Variants in SCML4 observed in about 807,000 individuals in gnomAD.
The protein encoded by SCML4 is sex comb on midleg-like protein 4.
A neutral mutation model predicts 41.1 loss-of-function variants in SCML4; 34 were observed. That is an observed-to-expected ratio of 0.83 (90% confidence interval 0.63 to 1.10). SCML4 has a LOEUF of 1.10. Ranked by LOEUF, SCML4 falls within the 50% of genes least tolerant of loss-of-function variation. The pLI is 0.00. For missense variants in SCML4, 522 were observed against 534.1 expected, an observed-to-expected ratio of 0.98 and a Z score of 0.22; for synonymous variants, 214 against 220.9, an observed-to-expected ratio of 0.97 and a Z score of 0.28.
chr6:107,739,715 T>C lies in SCML4; in HGVS notation c.682+5234A>G, dbSNP rs73762059. On this transcript the variant is annotated intron_variant, in intron 5 of 7. Coordinates refer to ENST00000369020, the MANE Select transcript of SCML4 (RefSeq NM_198081.5). ...CTTTCTTGTCACAATGGTGAGAAAATGGATGATAAACTAATTCATCCTCTA... is the reference window on the plus strand; with the variant it reads ...CTTTCTTGTCACAATGGTGAGAAAACGGATGATAAACTAATTCATCCTCTA... Among the ~76,000 whole-genome samples the C allele has an allele frequency of 9.6e-3, 1,459 of 152,270 alleles. 12 individuals carry two copies. The highest frequency in any genetic ancestry group is 0.044 in the East Asian group (228 of 5,176).
the SCML4 span, among the ~76,000 whole-genome samples, chr6:107,836,132 G>A: frequency 2.0e-5 from 3 of 151,926 alleles, no homozygotes; most frequent in Non-Finnish European, 4.4e-5. Context: ...TGTGAAAACT[G>A]TTAATGTTCC....
chr6:107,762,876 C>CTTTTTTTTTTTTTTTTTTTTTTTTTTTT (rs57370632), intron 2 of SCML4, among the ~76,000 whole-genome samples: 7 of 89,656 alleles, frequency 7.8e-5, no homozygotes, highest in African/African-American at 9.3e-5. Context: ...TAAATGCACT[C>CTTTTTTTTTTTTTTTTTTTTTTTTTTTT]TTTTTTTTTT....
upstream of SCML4, among the ~76,000 whole-genome samples, chr6:107,828,008 A>G (rs541946450): frequency 5.9e-5 from 9 of 152,370 alleles, no homozygotes; most frequent in South Asian, 1.4e-3. Context: ...GATAGCTAAC[A>G]TTTACTGAAG....
chr6:107,753,224 A>G (rs776153959), intron 2 of SCML4, among the ~76,000 whole-genome samples: 10 of 152,216 alleles, frequency 6.6e-5, no homozygotes, highest in Non-Finnish European at 1.3e-4. Context: ...CTTGAGCACT[A>G]TTGGTGGAAA....
At chr6:107,708,158 G>A (rs865813655) in intron 6 of SCML4, 147 bp from the exon 7 acceptor site, 8 of 909,434 alleles carry the variant, frequency 8.8e-6, no homozygotes, top group Admixed American at 5.5e-5. Flanking sequence ...CCTGTCATAG[G>A]GAAAGGCTGT....
At chr6:107,761,766 G>C (rs1182381746) in intron 2 of SCML4, among the ~76,000 whole-genome samples, 1 of 150,572 alleles carries the variant, frequency 6.6e-6, no homozygotes, top group East Asian at 1.9e-4. Context: ...TGCTTCAAGG[G>C]AATAACTGAC....
chr6:107,840,075 T>C, the SCML4 span, among the ~76,000 whole-genome samples: 60 of 152,342 alleles, frequency 3.9e-4, 1 homozygote, highest in African/African-American at 1.3e-3. Flanking sequence ...GGCTCTGTAG[T>C]TGGATATTAT....
intron 4 of SCML4, 100 bp from the exon 5 acceptor site, chr6:107,745,243 G>A: frequency 1.2e-6 from 1 of 854,524 alleles, no homozygotes; most frequent in Admixed American, 2.9e-5. Context: ...TTTTTGTTTT[G>A]TTGCTAAGCA....
chr6:107,739,981 T>C, intron 5 of SCML4: 1 of 373,406 alleles, frequency 2.7e-6, no homozygotes, highest in East Asian at 7.3e-5. Context: ...TGCTGAGAAA[T>C]CAGTGCCACA....
chr6:107,708,743 A>G (rs900631779), intron 6 of SCML4, among the ~76,000 whole-genome samples: 2 of 152,222 alleles, frequency 1.3e-5, no homozygotes, highest in Non-Finnish European at 2.9e-5. Context: ...TATCTGGTCC[A>G]TAGCTGCTTC....
chr6:107,810,355 G>C (rs1490872368), intron 1 of SCML4, among the ~76,000 whole-genome samples: 1 of 152,168 alleles, frequency 6.6e-6, no homozygotes, highest in Non-Finnish European at 1.5e-5. Context: ...GTCCTAGGCA[G>C]GTTTGTTTGC....
At chr6:107,761,066 A>C (rs1407877128) in intron 2 of SCML4, among the ~76,000 whole-genome samples, 2 of 152,166 alleles carry the variant, frequency 1.3e-5, no homozygotes, top group African/African-American at 4.8e-5. Context: ...CACAGAAACC[A>C]ATAGATTAAA....
At chr6:107,736,480 G>A (rs546534145) in intron 5 of SCML4, among the ~76,000 whole-genome samples, 1 of 152,148 alleles carries the variant, frequency 6.6e-6, no homozygotes, top group African/African-American at 2.4e-5. Flanking sequence ...ACCTGCTCTC[G>A]GTTTCCTCCC....
chr6:107,715,004 C>G (rs564446506), intron 6 of SCML4, among the ~76,000 whole-genome samples: 107 of 150,220 alleles, frequency 7.1e-4, no homozygotes, highest in Non-Finnish European at 3.3e-4. Context: ...AGATGAAGTC[C>G]CGCTTTGTCA....
chr6:107,837,905 C>CTT, the SCML4 span, among the ~76,000 whole-genome samples: 7 of 115,318 alleles, frequency 6.1e-5, no homozygotes, highest in African/African-American at 9.7e-5. Context: ...TTATGATTTT[C>CTT]TTTTTTTTTT....
At chr6:107,794,368 T>C (rs1445620948) in intron 1 of SCML4, among the ~76,000 whole-genome samples, 1 of 152,190 alleles carries the variant, frequency 6.6e-6, no homozygotes, top group Non-Finnish European at 1.5e-5. Context: ...GAAACAATCA[T>C]TCCCTGGTCC....
At chr6:107,715,561 A>G (rs141221559) in intron 6 of SCML4, among the ~76,000 whole-genome samples, 2,180 of 151,754 alleles carry the variant, frequency 0.014, 45 homozygotes, top group African/African-American at 0.05. Flanking sequence ...GTTATCCAAA[A>G]CCTCTTTATA....
At chr6:107,818,444 T>G (rs1300065607) in intron 1 of SCML4, among the ~76,000 whole-genome samples, 1 of 152,248 alleles carries the variant, frequency 6.6e-6, no homozygotes, top group Non-Finnish European at 1.5e-5. Context: ...TGTGCAACAT[T>G]TGTGATTATT....
chr6:107,778,329 G>T (rs1440400641), intron 1 of SCML4, among the ~76,000 whole-genome samples: 1 of 144,860 alleles, frequency 6.9e-6, no homozygotes, highest in Non-Finnish European at 1.5e-5. Context: ...GCTTTCAATT[G>T]TGGACTTCAG....
Sources: gnomAD v4.1 joint callset for allele counts (sites outside exome capture counted in the v4.1 genomes callset) on GRCh38, gnomAD v4.1.1 for gene constraint, MANE v1.5 for transcripts, NCBI Gene and HGNC (gene_info 2026-07-23, HGNC 2026-07-21) for gene names.